Variants in CASTOR2 observed in about 807,000 individuals in gnomAD.
The protein encoded by CASTOR2 is cytosolic arginine sensor for mTORC1 subunit 2.
A neutral mutation model predicts 31.2 loss-of-function variants in CASTOR2; 8 were observed. The ratio of observed to expected loss-of-function variants is 0.26; its 90% CI spans 0.15 to 0.46. The LOEUF is 0.46. CASTOR2 is among the 20% of genes least tolerant of loss of function. The probability of loss-of-function intolerance (pLI) is 0.99; values close to 1 mark genes in which losing one functional copy is unlikely to be tolerated. For synonymous variants in CASTOR2, 162 were observed against 158.7 expected (o/e 1.02, Z -0.16); for missense variants, 216 against 382.1 (o/e 0.57, Z 3.62).
intron 2 of CASTOR2, among the ~76,000 whole-genome samples, chr7:75,014,343 G>A (rs1423192081): frequency 6.6e-6 from 1 of 150,662 alleles, no homozygotes; most frequent in Non-Finnish European, 1.5e-5. Flanking sequence ...GGAGGCCGAG[G>A]CGGGCAGATC....
rs1804010296 is a variant in CASTOR2, at chr7:74,984,136, C to G, written c.113+19038C>G. On this transcript the variant is annotated intron_variant, in intron 1 of 8. Transcript: ENST00000616305. ...CTTTGTCTGGGGGCATTCTAAAAAC[C>G]AAGGAATAGAATACCAGGGTCAGAC... 1.3e-5 allele frequency among the ~76,000 whole-genome samples: 2 copies of G among 148,888 alleles called. 1 individual carries two copies. The highest frequency in any genetic ancestry group is 4.3e-4 in the South Asian group (2 of 4,612).
At position 75,026,327 on chromosome 7, in the gene CASTOR2, T is replaced by C. The variant is rs1392657934; in HGVS notation, c.*1628T>C. ...GCCTCGGCCTCCCAAGTAGCTGGGATTACAGGCACGCACCACCACGTCTGG... is the reference window on the plus strand; with the variant it reads ...GCCTCGGCCTCCCAAGTAGCTGGGACTACAGGCACGCACCACCACGTCTGG... On this transcript the variant is annotated 3_prime_UTR_variant, in exon 9 of 9. Transcript: ENST00000616305. 6.6e-6 allele frequency among the ~76,000 whole-genome samples: 1 copy of C among 151,922 alleles called. No homozygotes were observed. The highest frequency in any genetic ancestry group is 2.4e-5 in the African/African-American group (1 of 41,370).
intron 1 of CASTOR2, among the ~76,000 whole-genome samples, chr7:74,983,419 C>T (rs1327543379): frequency 3.4e-5 from 5 of 148,542 alleles, no homozygotes; most frequent in Admixed American, 6.8e-5. Context: ...GATGACGTCC[C>T]CACCCAGCCC....
intron 1 of CASTOR2, among the ~76,000 whole-genome samples, chr7:74,999,470 C>G (rs1321385989): frequency 6.6e-6 from 1 of 151,962 alleles, no homozygotes; most frequent in African/African-American, 2.4e-5. Flanking sequence ...CCATTGAAAA[C>G]CCAGGAGAAA....
At chr7:75,013,244 A>G (rs1338324176) in intron 2 of CASTOR2, among the ~76,000 whole-genome samples, 8 of 152,232 alleles carry the variant, frequency 5.3e-5, no homozygotes, top group African/African-American at 1.9e-4. Flanking sequence ...GTTAGAAGCT[A>G]GCAGCTGGCC....
At position 75,009,546 on chromosome 7, in the gene CASTOR2, G is replaced by A. The variant is rs1804687689; in HGVS notation, c.184+1482G>A. ...GCCTCCCAAAATGCTGGGATTACAG[G>A]CGTGAGCCACCGCGCCCGGCCCTGA... On this transcript the variant is annotated intron_variant, in intron 2 of 8. Coordinates refer to ENST00000616305, the MANE Select transcript of CASTOR2 (RefSeq NM_001145064.3). 2.6e-5 allele frequency among the ~76,000 whole-genome samples: 4 copies of A among 152,122 alleles called. No individual in the cohort carries two copies. The South Asian group carries it at 8.3e-4, about 32-fold the overall frequency.
At chr7:74,993,998 G>A (rs1333522902) in intron 1 of CASTOR2, among the ~76,000 whole-genome samples, 3 of 152,174 alleles carry the variant, frequency 2.0e-5, no homozygotes, top group Admixed American at 6.5e-5. Context: ...AGGGCTCCTC[G>A]CCCAGGATGC....
chr7:74,979,165 C>CA (rs1416710644), intron 1 of CASTOR2, among the ~76,000 whole-genome samples: 2 of 151,004 alleles, frequency 1.3e-5, no homozygotes, highest in East Asian at 3.9e-4. Flanking sequence ...GACCTTGTCT[C>CA]AAAAAAATAA....
chr7:75,008,703 TA>T (rs1312628856), intron 2 of CASTOR2, among the ~76,000 whole-genome samples: 2 of 151,624 alleles, frequency 1.3e-5, no homozygotes, highest in Non-Finnish European at 2.9e-5. Context: ...CTCTTAAAAA[TA>T]AAAAAAATAA....
intron 1 of CASTOR2, among the ~76,000 whole-genome samples, chr7:74,969,697 C>T (rs1302062163): frequency 7.0e-6 from 1 of 142,148 alleles, no homozygotes; most frequent in Non-Finnish European, 1.5e-5. Flanking sequence ...GGATTACAGG[C>T]GAGAGCCACC....
rs1804932968 is a variant in CASTOR2 at position 75,019,117 on chromosome 7, G to A, written c.635+22G>A. The A allele has an allele frequency of 3.2e-6, 5 of 1,551,818 alleles. No individual in the cohort carries two copies. The East Asian group carries it at 7.3e-5, about 23-fold the overall frequency. ...ATGGGTAGGGCTGCCTTGGGCATGA[G>A]GGGTTGCAGGGTGGGCCAGGGAGAG... On this transcript the variant is annotated intron_variant, in intron 5 of 8. Transcript: ENST00000616305.
Position 75,026,442 on chromosome 7 carries a change from G to A in CASTOR2, c.*1743G>A, listed in dbSNP as rs950528288. Among the ~76,000 whole-genome samples, 5 of 152,012 alleles carry A rather than the reference G, an allele frequency of 3.3e-5. No individual in the cohort carries two copies. Among genetic ancestry groups the A allele is most frequent in the African/African-American group, 7.3e-5 (3 of 41,370 alleles). On this transcript the variant is annotated 3_prime_UTR_variant, in exon 9 of 9. Coordinates refer to ENST00000616305, the MANE Select transcript of CASTOR2 (RefSeq NM_001145064.3). ...CTGAGTTAAGTGATCCGCCTGCCTC[G>A]GCCTCCCAAAATGCCGGGATTACAG...
intron 1 of CASTOR2, among the ~76,000 whole-genome samples, chr7:74,969,569 C>CA (rs1320047117): frequency 1.1e-5 from 1 of 92,986 alleles, no homozygotes. Context: ...AGGCGTGCGC[C>CA]ACCACGCCCG....
At position 75,027,969 on chromosome 7, in the gene CASTOR2, A is replaced by G; in HGVS notation, c.*3270A>G. On this transcript the variant is annotated 3_prime_UTR_variant, in exon 9 of 9. Coordinates refer to ENST00000616305, the MANE Select transcript of CASTOR2 (RefSeq NM_001145064.3). ...ACTTGGAGGGGCATGTGTTTCTCAGAGGGGCTCCATCCGCAGTTGCATGGA... is the reference window on the plus strand; with the variant it reads ...ACTTGGAGGGGCATGTGTTTCTCAGGGGGGCTCCATCCGCAGTTGCATGGA... The G allele has an allele frequency of 6.7e-7, 1 of 1,501,234 alleles. No individual in the cohort carries two copies. The highest frequency in any genetic ancestry group is 9.0e-7 in the Non-Finnish European group (1 of 1,116,760). The allele number at this position is 1,501,234 out of a possible 1,614,324, so 93.0% of individuals were successfully genotyped here. A position where few individuals can be genotyped will look rare whatever the true frequency, so the allele number is the denominator to read the frequency against.
intron 1 of CASTOR2, among the ~76,000 whole-genome samples, chr7:75,006,534 A>G (rs1353161853): frequency 5.3e-5 from 8 of 152,188 alleles, no homozygotes; most frequent in African/African-American, 1.7e-4. Context: ...TGTCCACTCA[A>G]AGATCCCTTT....
chr7:75,004,410 C>G (rs1804563806), intron 1 of CASTOR2, among the ~76,000 whole-genome samples: 1 of 151,408 alleles, frequency 6.6e-6, no homozygotes, highest in East Asian at 1.9e-4. Context: ...TACGCCCCTC[C>G]CAGGGGGAGA....
intron 1 of CASTOR2, among the ~76,000 whole-genome samples, chr7:74,994,240 G>A (rs1479109430): frequency 2.0e-5 from 3 of 152,358 alleles, no homozygotes; most frequent in Admixed American, 2.0e-4. Context: ...GGCCAGGGTT[G>A]GGTGGTGGGG....
intron 1 of CASTOR2, among the ~76,000 whole-genome samples, chr7:74,989,944 A>G (rs1230578600): frequency 1.3e-5 from 2 of 152,044 alleles, no homozygotes; most frequent in South Asian, 2.1e-4. Flanking sequence ...GGGGATATAC[A>G]CTTGCCAAAA....
chr7:75,011,699 C>T (rs1268420766), intron 2 of CASTOR2, among the ~76,000 whole-genome samples: 1 of 135,774 alleles, frequency 7.4e-6, no homozygotes, highest in African/African-American at 2.9e-5. Flanking sequence ...CACGCCACTG[C>T]ACTCCAGCCT....
Sources: allele counts gnomAD v4.1 joint callset (sites outside exome capture counted in the v4.1 genomes callset), GRCh38; gene constraint gnomAD v4.1.1; transcripts MANE v1.5; gene names NCBI Gene and HGNC (gene_info 2026-07-23, HGNC 2026-07-21).